The following IPCEF1 variants were observed in gnomAD, a reference collection of about 807,000 sequenced individuals.
IPCEF1 encodes the protein interaction protein for cytohesin exchange factors 1.
A neutral mutation model predicts 50.9 loss-of-function variants in IPCEF1; 31 were observed. That is an observed-to-expected ratio of 0.61 (90% CI 0.46 to 0.82). The LOEUF (loss-of-function observed/expected upper bound fraction) is 0.82, where lower values mean the gene tolerates loss of function less well. Ranked by LOEUF, IPCEF1 falls within the 40% of genes least tolerant of loss-of-function variation. The probability of loss-of-function intolerance (pLI) is 0.00; values close to 1 mark genes in which losing one functional copy is unlikely to be tolerated. For missense variants in IPCEF1, 458 were observed against 514.0 expected, an observed-to-expected ratio of 0.89 and a Z score of 1.05; for synonymous variants, 181 against 192.0, an observed-to-expected ratio of 0.94 and a Z score of 0.47.
intron 1 of IPCEF1, among the ~76,000 whole-genome samples, chr6:154,317,948 T>C (rs1408519025): frequency 6.6e-6 from 1 of 152,148 alleles, no homozygotes; most frequent in East Asian, 1.9e-4. Context: ...TGTCCATCAA[T>C]AGGAACAGAT....
At chr6:154,276,241 G>T (rs1338102899) in intron 2 of IPCEF1, among the ~76,000 whole-genome samples, 1 of 134,414 alleles carries the variant, frequency 7.4e-6, no homozygotes, top group African/African-American at 2.7e-5. Flanking sequence ...GAAAGAAAGA[G>T]AAAAGGTGGG....
At chr6:154,237,955 C>G (rs1295590733) in intron 5 of IPCEF1, among the ~76,000 whole-genome samples, 1 of 152,114 alleles carries the variant, frequency 6.6e-6, no homozygotes, top group Non-Finnish European at 1.5e-5. Context: ...CTTATGTACT[C>G]TATTTCCTGT....
At chr6:154,183,236 C>T (rs896455734) in intron 10 of IPCEF1, among the ~76,000 whole-genome samples, 26 of 152,322 alleles carry the variant, frequency 1.7e-4, no homozygotes, top group Admixed American at 1.4e-3. Flanking sequence ...ATCTTGGCCT[C>T]CCAAAGTGCT....
intron 1 of IPCEF1, among the ~76,000 whole-genome samples, chr6:154,332,573 T>G (rs1306918207): frequency 6.6e-6 from 1 of 152,214 alleles, no homozygotes; most frequent in African/African-American, 2.4e-5. Flanking sequence ...GAAGAGATTC[T>G]CTCCTTCATC....
At chr6:154,208,365 G>C (rs1777676314) in intron 9 of IPCEF1, among the ~76,000 whole-genome samples, 1 of 152,104 alleles carries the variant, frequency 6.6e-6, no homozygotes, top group Admixed American at 6.5e-5. Flanking sequence ...ACCTTTCAAG[G>C]TTTCGCTCAG....
At chr6:154,186,516 T>C (rs1162873252) in intron 10 of IPCEF1, among the ~76,000 whole-genome samples, 3 of 151,884 alleles carry the variant, frequency 2.0e-5, no homozygotes, top group Non-Finnish European at 4.4e-5. Flanking sequence ...AGATGCTCCC[T>C]CATGTCCGTG....
chr6:154,258,095 G>A (rs1781507157), intron 3 of IPCEF1, among the ~76,000 whole-genome samples: 1 of 152,166 alleles, frequency 6.6e-6, no homozygotes, highest in Non-Finnish European at 1.5e-5. Flanking sequence ...CCTGGTTAAT[G>A]CTTACTCATC....
chr6:154,247,404 A>T (rs748526853), intron 4 of IPCEF1, 45 bp downstream of exon 4: 1 of 1,531,746 alleles, frequency 6.5e-7, no homozygotes, highest in South Asian at 1.1e-5. Context: ...AGCCACACTC[A>T]ACGTACACAA....
At chr6:154,216,510 G>A (rs1778405685) in intron 7 of IPCEF1, among the ~76,000 whole-genome samples, 2 of 152,148 alleles carry the variant, frequency 1.3e-5, no homozygotes, top group African/African-American at 2.4e-5. Flanking sequence ...CTTCAAAAAC[G>A]ATATGTTTTT....
At chr6:154,321,808 C>T (rs760165647) in intron 1 of IPCEF1, among the ~76,000 whole-genome samples, 1 of 120,016 alleles carries the variant, frequency 8.3e-6, no homozygotes, top group Non-Finnish European at 1.8e-5. Context: ...AAAAAAAAAC[C>T]AAGGAACCTT....
Position 154,199,660 on chromosome 6 carries a change from T to G in IPCEF1, c.910+8A>C, listed in dbSNP as rs1269832439. ...CTCTAACGAAGAATAAATAATTTAT[T>G]GGTTTACCTTTGTCCATGATCTTTG... is the stretch of plus-strand genomic sequence containing the variant. On this transcript the variant is annotated splice_region_variant and intron_variant, in intron 10 of 11. Coordinates refer to ENST00000367220, the MANE Select transcript of IPCEF1 (RefSeq NM_001130700.2). 6.3e-7 allele frequency: 1 copy of G among 1,577,972 alleles called. No homozygotes were observed. Among genetic ancestry groups the G allele is most frequent in the East Asian group, 2.2e-5 (1 of 44,528 alleles).
rs202017663 is a variant in IPCEF1 at position 154,354,404 on chromosome 6, T to C, written c.-62+2268A>G. On this transcript the variant is annotated intron_variant, in intron 1 of 11. Coordinates refer to ENST00000367220, the MANE Select transcript of IPCEF1 (RefSeq NM_001130700.2). ...CCTCCACCGTCACCTCCAACCACCA[T>C]CTCCACCACCACCTCCACCACCACC... Among the ~76,000 whole-genome samples, 184 of 20,676 alleles carry C rather than the reference T, an allele frequency of 8.9e-3. 3 individuals are homozygous for C. The highest frequency in any genetic ancestry group is 0.037 in the East Asian group (56 of 1,506). 13.6% of individuals were successfully genotyped at this position (20,676 alleles called of 152,430 possible).
chr6:154,289,162 A>G (rs1258992950), intron 2 of IPCEF1, among the ~76,000 whole-genome samples: 1 of 152,156 alleles, frequency 6.6e-6, no homozygotes, highest in Non-Finnish European at 1.5e-5. Context: ...AGTAATAATG[A>G]GAAGAATTAC....
chr6:154,282,686 C>CA (rs1195472386), intron 2 of IPCEF1, among the ~76,000 whole-genome samples: 53 of 146,596 alleles, frequency 3.6e-4, no homozygotes, highest in East Asian at 3.2e-3. Context: ...GACTCCGTCT[C>CA]AAAAAAAAAA....
chr6:154,220,913 A>G (rs747890709), intron 7 of IPCEF1, among the ~76,000 whole-genome samples: 1 of 152,278 alleles, frequency 6.6e-6, no homozygotes, highest in Non-Finnish European at 1.5e-5. Flanking sequence ...AATATTTTGC[A>G]TGTAGAATTC....
At chr6:154,247,113 A>G (rs1450078205) in intron 4 of IPCEF1, 2 of 403,142 alleles carry the variant, frequency 5.0e-6, no homozygotes, top group African/African-American at 2.0e-5. Context: ...GCTGGCGGGC[A>G]TATCAGTGCA....
chr6:154,185,103 T>C (rs911970462), intron 10 of IPCEF1, among the ~76,000 whole-genome samples: 4 of 152,174 alleles, frequency 2.6e-5, no homozygotes, highest in Non-Finnish European at 4.4e-5. Context: ...AATATATCCA[T>C]TGGTGATAAA....
At position 154,290,477 on chromosome 6, in the gene IPCEF1, T is replaced by C. The variant is rs148079554; in HGVS notation, c.-61-721A>G. ...AAGTGTACTTTACTTCCTTTTGTTC[T>C]TGCTCTAAAACTTTTTAATAAGCTC... On this transcript the variant is annotated intron_variant, in intron 1 of 11. Coordinates refer to ENST00000367220, the MANE Select transcript of IPCEF1 (RefSeq NM_001130700.2). Among the ~76,000 whole-genome samples, 157 of 152,286 alleles carry C rather than the reference T, an allele frequency of 1.0e-3. 4 individuals are homozygous for C. In the East Asian group the frequency reaches 0.023, roughly 22 times the overall value.
chr6:154,325,167 T>A (rs1783488517), intron 1 of IPCEF1, among the ~76,000 whole-genome samples: 1 of 152,186 alleles, frequency 6.6e-6, no homozygotes, highest in South Asian at 2.1e-4. Flanking sequence ...ATTTTTCATT[T>A]ATTAGATGGA....
Sources: allele counts gnomAD v4.1 joint callset (sites outside exome capture counted in the v4.1 genomes callset), GRCh38; gene constraint gnomAD v4.1.1; transcripts MANE v1.5; gene names NCBI Gene and HGNC (gene_info 2026-07-23, HGNC 2026-07-21).